The following BBX variants were observed in gnomAD, a reference collection of about 807,000 sequenced individuals.
BBX encodes HMG box transcription factor BBX.
BBX carries 30 observed loss-of-function variants against 100.2 expected under a neutral mutation model. The observed-to-expected ratio is 0.30, with a 90% CI of 0.22 to 0.41. The LOEUF (loss-of-function observed/expected upper bound fraction) is 0.41. Among genes scored for constraint, BBX ranks in the 10% least tolerant of loss-of-function variants. The pLI is 1.00. For missense variants in BBX, 1,023 were observed against 1,129.8 expected, an observed-to-expected ratio of 0.91 and a Z score of 1.35; for synonymous variants, 376 against 388.1, an observed-to-expected ratio of 0.97 and a Z score of 0.37.
intron 10 of BBX, among the ~76,000 whole-genome samples, chr3:107,767,493 TGGG>T (rs2066491396): frequency 3.3e-5 from 5 of 152,176 alleles, no homozygotes; most frequent in Admixed American, 3.3e-4. Context: ...CCTTGCAAAT[TGGG>T]TTTCAACCTC....
intron 3 of BBX, among the ~76,000 whole-genome samples, chr3:107,647,783 T>C (rs544778286): frequency 6.6e-6 from 1 of 152,322 alleles, no homozygotes; most frequent in East Asian, 1.9e-4. Context: ...TTCTCATTTA[T>C]GTTCATGTCC....
At chr3:107,588,733 G>A (rs888010378) in intron 2 of BBX, among the ~76,000 whole-genome samples, 1 of 152,090 alleles carries the variant, frequency 6.6e-6, no homozygotes, top group Non-Finnish European at 1.5e-5. Flanking sequence ...TCCTAAAACT[G>A]AAATAAGTGA....
chr3:107,683,337 A>T (rs2059667624), intron 3 of BBX, among the ~76,000 whole-genome samples: 1 of 152,148 alleles, frequency 6.6e-6, no homozygotes, highest in Admixed American at 6.6e-5. Flanking sequence ...TGTACTTTTT[A>T]GAAATAGATA....
chr3:107,672,573 G>A (rs2059075549), intron 3 of BBX, among the ~76,000 whole-genome samples: 2 of 152,070 alleles, frequency 1.3e-5, no homozygotes, highest in Middle Eastern at 3.4e-3. Context: ...AGCTGAAGTA[G>A]GGAATGGTAA....
intron 2 of BBX, among the ~76,000 whole-genome samples, chr3:107,545,511 G>C (rs1260303376): frequency 6.6e-6 from 1 of 152,166 alleles, no homozygotes; most frequent in Non-Finnish European, 1.5e-5. Flanking sequence ...CTTATGTTTT[G>C]CTGGAAACCG....
chr3:107,783,142 A>C (rs1449804530), intron 13 of BBX, among the ~76,000 whole-genome samples: 1 of 152,120 alleles, frequency 6.6e-6, no homozygotes, highest in Non-Finnish European at 1.5e-5. Flanking sequence ...CATATACACT[A>C]TGCTGATTGG....
intron 10 of BBX, among the ~76,000 whole-genome samples, chr3:107,768,501 C>G (rs1177869322): frequency 6.6e-6 from 1 of 152,010 alleles, no homozygotes; most frequent in Non-Finnish European, 1.5e-5. Context: ...ACATTATTAC[C>G]AAAGATTTGG....
chr3:107,760,420 T>C (rs1450423088), intron 10 of BBX, among the ~76,000 whole-genome samples: 1 of 152,232 alleles, frequency 6.6e-6, no homozygotes, highest in Non-Finnish European at 1.5e-5. Flanking sequence ...GGATGCATCT[T>C]ACACCCTTAA....
chr3:107,745,447 A>G (rs1240816334), intron 8 of BBX, among the ~76,000 whole-genome samples: 2 of 151,996 alleles, frequency 1.3e-5, no homozygotes, highest in Non-Finnish European at 2.9e-5. Context: ...AGTTTTATAC[A>G]GGGGGAACAT....
At chr3:107,714,600 C>T (rs2061971972) in intron 4 of BBX, among the ~76,000 whole-genome samples, 1 of 151,974 alleles carries the variant, frequency 6.6e-6, no homozygotes, top group South Asian at 2.1e-4. Context: ...ATAAAACTCG[C>T]TTGAAAAATG....
chr3:107,759,860 G>T (rs2065759880), intron 10 of BBX, among the ~76,000 whole-genome samples: 1 of 152,126 alleles, frequency 6.6e-6, no homozygotes, highest in African/African-American at 2.4e-5. Flanking sequence ...TTGCTGTTCT[G>T]CTTCTCACTT....
chr3:107,596,516 A>G lies in BBX; in HGVS notation c.-83-49320A>G, dbSNP rs531549685. Among the ~76,000 whole-genome samples the G allele has an allele frequency of 3.3e-5, 5 of 152,310 alleles. No homozygotes were observed. The South Asian group carries it at 1.0e-3, about 32-fold the overall frequency. On this transcript the variant is annotated intron_variant, in intron 2 of 17. Coordinates refer to ENST00000325805, the MANE Select transcript of BBX (RefSeq NM_001142568.3). The stretch of plus-strand genomic sequence containing the variant: ...TGCCTCTCTCAGGGGCTGGCAGCTT[A>G]TGTGAGATAGGCTAAGCTAGGAATT...
chr3:107,723,905 T>C (rs2062726175), intron 5 of BBX, among the ~76,000 whole-genome samples: 1 of 152,222 alleles, frequency 6.6e-6, no homozygotes, highest in Non-Finnish European at 1.5e-5. Context: ...GCACGATTTA[T>C]ATTCCTTTGG....
At chr3:107,603,810 C>G (rs1359411511) in intron 2 of BBX, among the ~76,000 whole-genome samples, 1 of 152,132 alleles carries the variant, frequency 6.6e-6, no homozygotes, top group Non-Finnish European at 1.5e-5. Context: ...CTGATGATCA[C>G]TAGCGTTTTT....
At chr3:107,612,176 G>A (rs930753243) in intron 2 of BBX, among the ~76,000 whole-genome samples, 17 of 148,772 alleles carry the variant, frequency 1.1e-4, no homozygotes, top group African/African-American at 4.1e-4. Context: ...TTTGAATTCT[G>A]TCTGAAAGGT....
intron 3 of BBX, among the ~76,000 whole-genome samples, chr3:107,694,006 G>A (rs1198891871): frequency 1.3e-5 from 2 of 148,710 alleles, no homozygotes; most frequent in Non-Finnish European, 3.0e-5. Flanking sequence ...GTCTGTTGTT[G>A]GTGTATAAGA....
intron 2 of BBX, among the ~76,000 whole-genome samples, chr3:107,605,937 C>T (rs957564777): frequency 2.0e-5 from 3 of 152,174 alleles, no homozygotes; most frequent in African/African-American, 7.2e-5. Context: ...GTTGGATACT[C>T]ATTGCCTTAA....
At position 107,773,488 on chromosome 3, in the gene BBX, A is replaced by G. The variant is rs747401486; in HGVS notation, c.1767A>G (p.Ser589=). The G allele has an allele frequency of 1.2e-6, 2 of 1,614,018 alleles. No homozygotes were observed. Among genetic ancestry groups the G allele is most frequent in the Admixed American group, 3.3e-5 (2 of 59,990 alleles). ...PMEDALPPSL[S]GQAKPEDSDC... is the part of the protein sequence containing the mutation. ...AAGATGCACTACCACCCAGCCTATC[A>G]GGACAGGCCAAGCCTGAGGACAGTG... is the stretch of plus-strand genomic sequence containing the variant. The change falls in exon 11 of 18, where the codon TCA becomes TCG. Residue 589 remains serine (S), a synonymous_variant. Coordinates refer to ENST00000325805, the MANE Select transcript of BBX (RefSeq NM_001142568.3). This position sits in a 1 kb window ranked among gnomAD's most constrained non-coding sequence, Gnocchi z 4.1.
In BBX at chr3:107,524,539, G is replaced by A. The variant is rs1258586964; in HGVS notation, c.-156+1432G>A. The stretch of plus-strand genomic sequence containing the variant: ...CTGGAACACGTTTATGTGTGAAATA[G>A]CCGCGATCATTTCTGCTAAATGAGG... On this transcript the variant is annotated intron_variant, in intron 1 of 17. Coordinates refer to ENST00000325805, the MANE Select transcript of BBX (RefSeq NM_001142568.3). 7.2e-5 allele frequency: 10 copies of A among 139,772 alleles called. No homozygotes were observed. In the East Asian group the frequency reaches 2.4e-3, roughly 34 times the overall value. The allele number at this position is 139,772 out of a possible 1,614,324, so 8.7% of individuals were successfully genotyped here. A position where few individuals can be genotyped will look rare whatever the true frequency, so the allele number is the denominator to read the frequency against.
Sources: allele counts gnomAD v4.1 joint callset (sites outside exome capture counted in the v4.1 genomes callset), GRCh38; gene constraint gnomAD v4.1.1; non-coding constraint Gnocchi (gnomAD v3.1); transcripts MANE v1.5; gene names NCBI Gene and HGNC (gene_info 2026-07-23, HGNC 2026-07-21).